GPC5: variants seen among roughly 807,000 people sequenced by gnomAD.
GPC5 encodes the protein glypican-5.
GPC5 carries 47 observed loss-of-function variants against 53.9 expected under a neutral mutation model. The observed-to-expected ratio is 0.87, with a 90% confidence interval of 0.69 to 1.11. The LOEUF (loss-of-function observed/expected upper bound fraction) is 1.11, where lower values mean the gene tolerates loss of function less well. Among genes scored for constraint, GPC5 ranks in the 50% most tolerant of loss-of-function variants. GPC5 has a pLI of 0.00. For missense variants in GPC5, 748 were observed against 713.1 expected (o/e 1.05, Z -0.56); for synonymous variants, 286 against 263.3 (o/e 1.09, Z -0.84).
intron 3 of GPC5, among the ~76,000 whole-genome samples, chr13:91,715,390 TCTA>T (rs1187389201): frequency 9.9e-5 from 15 of 152,236 alleles, no homozygotes; most frequent in Non-Finnish European, 1.5e-4. Context: ...TTTGTATATA[TCTA>T]CTAATTGCTG....
chr13:92,831,483 G>T (rs1458512327), intron 7 of GPC5, among the ~76,000 whole-genome samples: 1 of 152,026 alleles, frequency 6.6e-6, no homozygotes, highest in Non-Finnish European at 1.5e-5. Flanking sequence ...AATATTTGAA[G>T]AAGTTATCAG....
chr13:92,157,845 G>A (rs968336732), intron 7 of GPC5, among the ~76,000 whole-genome samples: 8 of 152,036 alleles, frequency 5.3e-5, no homozygotes, highest in Non-Finnish European at 1.2e-4. Context: ...CAGCATATGA[G>A]TTGTGAGAAA....
At chr13:92,864,326 G>T (rs1023350297) in intron 7 of GPC5, among the ~76,000 whole-genome samples, 2 of 152,094 alleles carry the variant, frequency 1.3e-5, no homozygotes, top group Non-Finnish European at 2.9e-5. Context: ...AGGCAGAAAA[G>T]CTCTCCTGCC....
chr13:92,550,084 G>C (rs1459945827), intron 7 of GPC5, among the ~76,000 whole-genome samples: 1 of 151,562 alleles, frequency 6.6e-6, no homozygotes, highest in South Asian at 2.1e-4. Flanking sequence ...TCAGGGTTTT[G>C]ATTTTAAGTG....
At chr13:91,639,583 A>G (rs749709913) in intron 2 of GPC5, among the ~76,000 whole-genome samples, 25 of 152,176 alleles carry the variant, frequency 1.6e-4, no homozygotes, top group Non-Finnish European at 3.2e-4. Context: ...GTCAATTGGC[A>G]TCCTTCACGG....
intron 6 of GPC5, among the ~76,000 whole-genome samples, chr13:92,129,516 G>A (rs1468313325): frequency 6.6e-6 from 1 of 152,156 alleles, no homozygotes; most frequent in Non-Finnish European, 1.5e-5. Context: ...CAAAACACAT[G>A]TGCACAATAA....
intron 7 of GPC5, among the ~76,000 whole-genome samples, chr13:92,396,717 T>A (rs893406827): frequency 2.0e-5 from 3 of 152,188 alleles, no homozygotes; most frequent in Non-Finnish European, 4.4e-5. Flanking sequence ...TTATCTTGCC[T>A]TTTACATGCT....
At chr13:92,357,266 T>A (rs1480483011) in intron 7 of GPC5, among the ~76,000 whole-genome samples, 1 of 151,724 alleles carries the variant, frequency 6.6e-6, no homozygotes, top group Non-Finnish European at 1.5e-5. Flanking sequence ...GGTAGTTCTG[T>A]TTTTAACTCT....
intron 5 of GPC5, among the ~76,000 whole-genome samples, 176 bp from the exon 6 acceptor site, chr13:91,907,761 A>G (rs2039569927): frequency 6.6e-6 from 1 of 151,892 alleles, no homozygotes; most frequent in African/African-American, 2.4e-5. Flanking sequence ...CACGATAAGC[A>G]TTTTAGCATT....
chr13:92,771,592 C>T (rs1358102954), intron 7 of GPC5, among the ~76,000 whole-genome samples: 2 of 152,094 alleles, frequency 1.3e-5, no homozygotes, highest in African/African-American at 4.8e-5. Context: ...ATCCACCTGC[C>T]TCGGCCTCCC....
chr13:92,122,363 G>A (rs937480665), intron 6 of GPC5, among the ~76,000 whole-genome samples: 7 of 151,252 alleles, frequency 4.6e-5, no homozygotes, highest in Admixed American at 6.6e-5. Flanking sequence ...TCAGATGTCC[G>A]AAACTTCTGA....
intron 7 of GPC5, among the ~76,000 whole-genome samples, chr13:92,205,718 T>C (rs1415713489): frequency 1.3e-5 from 2 of 152,112 alleles, no homozygotes; most frequent in Non-Finnish European, 2.9e-5. Context: ...ACCTAACGTT[T>C]GGAGGAGCCA....
chr13:92,183,114 G>A (rs1479716273), intron 7 of GPC5, among the ~76,000 whole-genome samples: 3 of 152,200 alleles, frequency 2.0e-5, no homozygotes, highest in Non-Finnish European at 4.4e-5. Context: ...GGTAGTGTAA[G>A]CAGATAGCAA....
At chr13:91,885,799 C>T (rs977491189) in intron 5 of GPC5, among the ~76,000 whole-genome samples, 2 of 152,158 alleles carry the variant, frequency 1.3e-5, no homozygotes, top group African/African-American at 4.8e-5. Context: ...GCCTTCATCT[C>T]CTATTTCCTA....
At chr13:91,678,174 T>G (rs2035426531) in intron 2 of GPC5, among the ~76,000 whole-genome samples, 1 of 152,226 alleles carries the variant, frequency 6.6e-6, no homozygotes, top group Non-Finnish European at 1.5e-5. Context: ...TCAATTCATT[T>G]CTTCCTCTGT....
At chr13:92,319,693 C>A (rs1222644813) in intron 7 of GPC5, among the ~76,000 whole-genome samples, 1 of 152,068 alleles carries the variant, frequency 6.6e-6, no homozygotes. Flanking sequence ...TAATAAGTAG[C>A]TTGCACTGAT....
rs1435633706 is a variant in GPC5, at chr13:91,582,925, G to A, written c.326-110262G>A. ...CTGAGGCAGGAGAATTGCTTGAACTGGGGAGATGGAGGTTGTAGTGAGCCG... is the reference window on the plus strand; with the variant it reads ...CTGAGGCAGGAGAATTGCTTGAACTAGGGAGATGGAGGTTGTAGTGAGCCG... On this transcript the variant is annotated intron_variant, in intron 2 of 7. Coordinates refer to ENST00000377067, the MANE Select transcript of GPC5 (RefSeq NM_004466.6). 3.9e-5 allele frequency among the ~76,000 whole-genome samples: 6 copies of A among 151,998 alleles called. No individual in the cohort carries two copies. The East Asian group carries it at 1.2e-3, about 29-fold the overall frequency.
At chr13:91,809,070 T>C (rs1240088963) in intron 5 of GPC5, among the ~76,000 whole-genome samples, 1 of 152,174 alleles carries the variant, frequency 6.6e-6, no homozygotes, top group Admixed American at 6.5e-5. Context: ...CTAAAATTTA[T>C]TTTTAAGGTA....
At chr13:91,915,194 T>C (rs2139008187) in intron 6 of GPC5, among the ~76,000 whole-genome samples, 1 of 152,286 alleles carries the variant, frequency 6.6e-6, no homozygotes, top group East Asian at 1.9e-4. Context: ...TTTAGTTAGT[T>C]ATCTTTTGGT....
Sources: allele counts gnomAD v4.1 joint callset (sites outside exome capture counted in the v4.1 genomes callset), GRCh38; gene constraint gnomAD v4.1.1; transcripts MANE v1.5; gene names NCBI Gene and HGNC (gene_info 2026-07-23, HGNC 2026-07-21).